Variants in CNOT1 observed in about 807,000 individuals in gnomAD.
The protein encoded by CNOT1 is CCR4-NOT transcription complex subunit 1.
In CNOT1, 15 loss-of-function variants were observed where a neutral mutation model predicts 273.8. The ratio of observed to expected loss-of-function variants is 0.05; its 90% CI spans 0.04 to 0.08. The LOEUF (loss-of-function observed/expected upper bound fraction) is 0.08, where lower values mean the gene tolerates loss of function less well. CNOT1 is among the 10% of genes least tolerant of loss of function. The probability of loss-of-function intolerance (pLI) is 1.00; values close to 1 mark genes in which losing one functional copy is unlikely to be tolerated. For synonymous variants in CNOT1, 1,022 were observed against 1,005.5 expected (o/e 1.02, Z -0.31); for missense variants, 1,644 against 2,912.2 (o/e 0.56, Z 10.02).
chr16:58,534,487 C>A (rs2039867277), intron 39 of CNOT1, 92 bp from the exon 40 acceptor site: 2 of 1,341,718 alleles, frequency 1.5e-6, no homozygotes, highest in African/African-American at 2.9e-5. Context: ...GAGATATTCT[C>A]ATTTGTTCCT....
intron 2 of CNOT1, chr16:58,597,558 G>A (rs574543951): frequency 3.5e-6 from 1 of 285,480 alleles, no homozygotes; most frequent in African/African-American, 2.3e-5. Flanking sequence ...GAGAATGAAT[G>A]TAAAAGTGTA....
At chr16:58,545,607 G>A in intron 29 of CNOT1, 116 bp from the exon 30 acceptor site, 1 of 1,506,872 alleles carries the variant, frequency 6.6e-7, no homozygotes, top group South Asian at 1.3e-5. Flanking sequence ...ATTGGGAGAG[G>A]AGGGAAGGAT....
Position 58,614,252 on chromosome 16 carries a change from G to A in CNOT1, c.-174-14741C>T, listed in dbSNP as rs2043003522. Among the ~76,000 whole-genome samples, 2 of 124,542 alleles carry A rather than the reference G, an allele frequency of 1.6e-5. 1 individual carries two copies. Among genetic ancestry groups the A allele is most frequent in the African/African-American group, 5.4e-5 (2 of 36,930 alleles). The allele number at this position is 124,542 out of a possible 152,430, so 81.7% of individuals were successfully genotyped here. A position where few individuals can be genotyped will look rare whatever the true frequency, so the allele number is the denominator to read the frequency against. On this transcript the variant is annotated intron_variant, in intron 1 of 48. Transcript: ENST00000317147. The stretch of plus-strand genomic sequence containing the variant: ...GTAACATAGATGGCCCGAGCCTGCT[G>A]TCCTTAGAAAGGCTTGCACAGTTGG...
At position 58,555,435 on chromosome 16, in the gene CNOT1, G is replaced by A; in HGVS notation, c.2707C>T (p.Pro903Ser). 1 of 1,613,956 alleles carries A rather than the reference G, an allele frequency of 6.2e-7. No individual in the cohort carries two copies. The highest frequency in any genetic ancestry group is 8.5e-7 in the Non-Finnish European group (1 of 1,179,992). The change falls in exon 21 of 49, where the codon CCC (proline) becomes TCC (serine). Residue 903 changes from proline to serine, a missense_variant. By Grantham distance (74) the Pro-to-Ser change is moderately conservative (BLOSUM62 -1). Coordinates refer to ENST00000317147, the MANE Select transcript of CNOT1 (RefSeq NM_016284.5). Reference sequence around the variant, plus strand: ...TGTAACTCTTTATCAGGATACTGGGGAAAAAAACGATATTCTTCAAACAAG... The same window carrying A: ...TGTAACTCTTTATCAGGATACTGGGAAAAAAAACGATATTCTTCAAACAAG... ...RNLFEEYRFF[P>S]QYPDKELHIT...
intron 16 of CNOT1, among the ~76,000 whole-genome samples, chr16:58,562,333 T>C (rs887635858): frequency 4.0e-5 from 6 of 150,096 alleles, no homozygotes; most frequent in African/African-American, 1.5e-4. Context: ...CAAGACTTCA[T>C]CTCTACAAAA....
At chr16:58,618,606 G>A (rs2043182063) in intron 1 of CNOT1, among the ~76,000 whole-genome samples, 1 of 151,108 alleles carries the variant, frequency 6.6e-6, no homozygotes, top group Non-Finnish European at 1.5e-5. Flanking sequence ...AGCAGGGCAT[G>A]TTGGCGCACA....
chr16:58,543,421 A>G, intron 31 of CNOT1, 186 bp downstream of exon 31: 1 of 1,493,024 alleles, frequency 6.7e-7, no homozygotes, highest in Non-Finnish European at 8.9e-7. Flanking sequence ...GAAAAAAAAA[A>G]AAACACACAG....
At chr16:58,557,096 T>C in intron 18 of CNOT1, 103 bp from the exon 19 acceptor site, 1 of 1,378,154 alleles carries the variant, frequency 7.3e-7, no homozygotes, top group East Asian at 2.6e-5. Flanking sequence ...AATAAAGTCA[T>C]AGTAACTCTT....
intron 1 of CNOT1, among the ~76,000 whole-genome samples, chr16:58,618,048 G>A (rs190562295): frequency 6.6e-6 from 1 of 152,258 alleles, no homozygotes; most frequent in East Asian, 1.9e-4. Flanking sequence ...TTAACACAAA[G>A]CCAAGCAGAG....
intron 1 of CNOT1, among the ~76,000 whole-genome samples, chr16:58,628,639 T>C (rs1392235583): frequency 6.6e-6 from 1 of 150,452 alleles, no homozygotes; most frequent in Non-Finnish European, 1.5e-5. Context: ...GGCTATCGAA[T>C]TGTAGAGAAA....
At chr16:58,523,141 A>C (rs2039465535) in intron 47 of CNOT1, 1 of 288,040 alleles carries the variant, frequency 3.5e-6, no homozygotes, top group Admixed American at 5.0e-5. Context: ...GCTACTTGAG[A>C]GGCTAAGGCA....
intron 16 of CNOT1, among the ~76,000 whole-genome samples, chr16:58,565,925 G>C (rs2041024969): frequency 7.7e-6 from 1 of 129,094 alleles, no homozygotes; most frequent in Non-Finnish European, 1.6e-5. Context: ...GGGCAAGAGA[G>C]CAAGACCCTG....
intron 16 of CNOT1, among the ~76,000 whole-genome samples, chr16:58,562,184 CAA>C (rs71385174): frequency 4.3e-5 from 6 of 139,652 alleles, no homozygotes; most frequent in Non-Finnish European, 4.7e-5. Context: ...GACTCCGTAT[CAA>C]AAAAAAAAAA....
At chr16:58,581,846 A>G (rs1032823969) in intron 10 of CNOT1, among the ~76,000 whole-genome samples, 6 of 152,154 alleles carry the variant, frequency 3.9e-5, no homozygotes, top group East Asian at 3.9e-4. Flanking sequence ...AAATTTTAGT[A>G]GAGACAGGTT....
chr16:58,587,101 G>A, intron 6 of CNOT1, 100 bp downstream of exon 6: 24 of 1,450,008 alleles, frequency 1.7e-5, no homozygotes, highest in Non-Finnish European at 2.1e-5. Flanking sequence ...ATTAATTTCA[G>A]ATTATCTTAC....
Position 58,530,295 on chromosome 16 carries a change from G to A in CNOT1, c.6230C>T (p.Pro2077Leu). Residue 2077 changes from proline to leucine, a missense_variant, in exon 43 of 49, where the codon CCT becomes CTT. Pro to Leu is a moderately conservative substitution (Grantham distance 98). Transcript: ENST00000317147. ...LLIDLFKYLA[P>L]FLRNVELTKP... The stretch of plus-strand genomic sequence containing the variant: ...GGTGAGTTCCACATTTCTAAGGAAA[G>A]GCGCTAAATATTTGAATAAATCAAT... 6.2e-7 allele frequency: 1 copy of A among 1,612,244 alleles called. No individual in the cohort carries two copies. Among genetic ancestry groups the A allele is most frequent in the Non-Finnish European group, 8.5e-7 (1 of 1,178,768 alleles).
chr16:58,549,085 T>C (rs2040358064), intron 25 of CNOT1, among the ~76,000 whole-genome samples: 1 of 152,090 alleles, frequency 6.6e-6, no homozygotes. Flanking sequence ...GGTCAGGAGT[T>C]CGGGACCAGC....
chr16:58,554,823 C>T (rs1050019784), intron 21 of CNOT1, among the ~76,000 whole-genome samples: 2 of 150,054 alleles, frequency 1.3e-5, no homozygotes, highest in African/African-American at 4.9e-5. Flanking sequence ...GTAATCCCAG[C>T]TACTTGAGAG....
chr16:58,563,896 A>C (rs2040946132), intron 16 of CNOT1, among the ~76,000 whole-genome samples: 1 of 152,248 alleles, frequency 6.6e-6, no homozygotes, highest in South Asian at 2.1e-4. Flanking sequence ...ACATTGGTAA[A>C]AATGATGGAT....
Sources: gnomAD v4.1 joint callset for allele counts (sites outside exome capture counted in the v4.1 genomes callset) on GRCh38, gnomAD v4.1.1 for gene constraint, MANE v1.5 for transcripts, NCBI Gene and HGNC (gene_info 2026-07-23, HGNC 2026-07-21) for gene names.